The following SGCG variants were observed in gnomAD, a reference collection of about 807,000 sequenced individuals.
SGCG encodes the protein sarcoglycan gamma.
SGCG carries 26 observed loss-of-function variants against 29.3 expected under a neutral mutation model. That is an observed-to-expected ratio of 0.89 (90% CI 0.65 to 1.23). The LOEUF is 1.23. SGCG is among the 50% of genes most tolerant of loss of function. The pLI is 0.00. For synonymous variants in SGCG, 145 were observed against 129.7 expected (o/e 1.12, Z -0.80); for missense variants, 353 against 356.0 (o/e 0.99, Z 0.07).
At chr13:23,206,306 G>T (rs2137505157) in intron 2 of SGCG, among the ~76,000 whole-genome samples, 1 of 152,250 alleles carries the variant, frequency 6.6e-6, no homozygotes, top group South Asian at 2.1e-4. Flanking sequence ...GAAGTCCATT[G>T]TTTAATAGCA....
intron 1 of SGCG, among the ~76,000 whole-genome samples, chr13:23,189,008 A>G (rs932105404): frequency 3.9e-5 from 6 of 152,200 alleles, no homozygotes; most frequent in Non-Finnish European, 5.9e-5. Context: ...GGTGGAGACC[A>G]CTAACCTTTT....
intron 6 of SGCG, among the ~76,000 whole-genome samples, chr13:23,315,789 T>C (rs1425482672): frequency 6.6e-6 from 1 of 152,152 alleles, no homozygotes; most frequent in African/African-American, 2.4e-5. Context: ...AGAAGCATGA[T>C]TGGAAAATTG....
intron 1 of SGCG, among the ~76,000 whole-genome samples, chr13:23,185,359 T>G (rs1051121253): frequency 4.6e-5 from 7 of 152,138 alleles, no homozygotes; most frequent in African/African-American, 1.7e-4. Context: ...GCCTGGCTTA[T>G]TTTTGTATTT....
intron 4 of SGCG, among the ~76,000 whole-genome samples, chr13:23,275,333 G>A (rs1029727122): frequency 1.3e-5 from 2 of 151,700 alleles, no homozygotes; most frequent in East Asian, 1.9e-4. Flanking sequence ...TGGGCAACAT[G>A]GCAAAACTCC....
rs9510678 is a variant in SGCG at position 23,290,605 on chromosome 13, C to T, written c.506-4810C>T. On this transcript the variant is annotated intron_variant, in intron 5 of 7. Transcript: ENST00000218867. ...TGAAGTGGTTACAAAGTGAATAGGA[C>T]GGGAGGCAGTAGAGGCATTATGTGG... Among the ~76,000 whole-genome samples, 883 of 152,056 alleles carry T rather than the reference C, an allele frequency of 5.8e-3. 1 individual carries two copies. The highest frequency in any genetic ancestry group is 0.01 in the Middle Eastern group (3 of 294).
chr13:23,269,244 CT>C (rs1880763389), intron 4 of SGCG: 3 of 152,114 alleles, frequency 2.0e-5, no homozygotes, highest in African/African-American at 7.2e-5. Flanking sequence ...AAAATATTTG[CT>C]TATGTTTAAA....
At chr13:23,221,014 T>G (rs1878636359) in intron 2 of SGCG, among the ~76,000 whole-genome samples, 1 of 144,594 alleles carries the variant, frequency 6.9e-6, no homozygotes, top group Non-Finnish European at 1.5e-5. Context: ...GAAAATTATG[T>G]TATTCATCTA....
At chr13:23,177,293 G>T (rs1054396416), upstream of SGCG, among the ~76,000 whole-genome samples, 5 of 152,098 alleles carry the variant, frequency 3.3e-5, no homozygotes, top group Non-Finnish European at 7.4e-5. Flanking sequence ...GTGTCCTGTT[G>T]CATAGTAGGG....
At chr13:23,233,435 C>T (rs1165099316) in intron 2 of SGCG, among the ~76,000 whole-genome samples, 1 of 151,984 alleles carries the variant, frequency 6.6e-6, no homozygotes, top group East Asian at 1.9e-4. Context: ...AAATTGTACC[C>T]CAAAATGTGT....
intron 1 of SGCG, among the ~76,000 whole-genome samples, chr13:23,188,654 A>C (rs73437022): frequency 0.054 from 8,228 of 151,926 alleles, 503 homozygotes; most frequent in African/African-American, 0.15. Context: ...GCATTCACTC[A>C]TCTAGTCCGG....
At chr13:23,255,190 C>T (rs984162463) in intron 4 of SGCG, among the ~76,000 whole-genome samples, 1 of 152,192 alleles carries the variant, frequency 6.6e-6, no homozygotes, top group African/African-American at 2.4e-5. Context: ...GCACTCAACT[C>T]CAACCCATGA....
At chr13:23,320,587 A>AT (rs1397262866) in intron 6 of SGCG, 50 bp from the exon 7 acceptor site, 18 of 1,481,072 alleles carry the variant, frequency 1.2e-5, no homozygotes, top group Non-Finnish European at 1.6e-5. Context: ...TGGAGTGGCT[A>AT]TTTTTAATAC....
upstream of SGCG, among the ~76,000 whole-genome samples, chr13:23,177,861 G>A (rs1876610533): frequency 6.6e-6 from 1 of 151,888 alleles, no homozygotes. Context: ...TTACAGGCAT[G>A]AGCCACCACG....
At chr13:23,199,884 C>T (rs754695169) in intron 1 of SGCG, among the ~76,000 whole-genome samples, 1 of 152,134 alleles carries the variant, frequency 6.6e-6, no homozygotes, top group African/African-American at 2.4e-5. Context: ...GTCAGCAGGG[C>T]AGGTGGGCAG....
At chr13:23,234,410 T>C (rs900283779) in intron 2 of SGCG, among the ~76,000 whole-genome samples, 5 of 152,180 alleles carry the variant, frequency 3.3e-5, no homozygotes, top group Admixed American at 2.6e-4. Flanking sequence ...ATATGTTTTC[T>C]AAAGAGCTCT....
intron 4 of SGCG, among the ~76,000 whole-genome samples, chr13:23,263,584 C>T (rs1264169618): frequency 4.0e-5 from 6 of 151,712 alleles, no homozygotes; most frequent in Non-Finnish European, 8.9e-5. Flanking sequence ...ACTCATTATA[C>T]GAACCCAGTA....
rs146679977 is a variant in SGCG at position 23,295,431 on chromosome 13, T to C, written c.522T>C (p.Leu174=). The change falls in exon 6 of 8, where the codon CTT becomes CTC. Residue 174 remains leucine, a synonymous_variant. Transcript: ENST00000218867. Reference sequence around the variant, plus strand: ...TTTGTTTAGGGCCTGAAGGGGCTCTTTTTGAACATTCAGTGGAGACACCCC... The same window carrying C: ...TTTGTTTAGGGCCTGAAGGGGCTCTCTTTGAACATTCAGTGGAGACACCCC... ...KLRVTGPEGA[L]FEHSVETPLV... 18 of 1,613,902 alleles carry C rather than the reference T, an allele frequency of 1.1e-5. No individual in the cohort carries two copies. Among genetic ancestry groups the C allele is most frequent in the African/African-American group, 6.7e-5 (5 of 74,910 alleles).
At chr13:23,187,683 GC>G (rs1877046480) in intron 1 of SGCG, among the ~76,000 whole-genome samples, 1 of 152,150 alleles carries the variant, frequency 6.6e-6, no homozygotes, top group Non-Finnish European at 1.5e-5. Flanking sequence ...TGTTCCCTCT[GC>G]CTGCCTCATC....
At chr13:23,180,011 C>T (rs1417524464), upstream of SGCG, among the ~76,000 whole-genome samples, 3 of 151,994 alleles carry the variant, frequency 2.0e-5, no homozygotes, top group Non-Finnish European at 2.9e-5. Context: ...GACAGTTTTC[C>T]GAACCCCACC....
Sources: gnomAD v4.1 joint callset for allele counts (sites outside exome capture counted in the v4.1 genomes callset) on GRCh38, gnomAD v4.1.1 for gene constraint, MANE v1.5 for transcripts, NCBI Gene and HGNC (gene_info 2026-07-23, HGNC 2026-07-21) for gene names.